The following ANKFN1 variants were observed in gnomAD, a reference collection of about 807,000 sequenced individuals.
ANKFN1 encodes ankyrin repeat and fibronectin type III domain containing 1, also known as ankyrin repeat and fibronectin type-III domain-containing protein 1.
A neutral mutation model predicts 108.7 loss-of-function variants in ANKFN1; 74 were observed. The ratio of observed to expected loss-of-function variants is 0.68; its 90% CI spans 0.56 to 0.83. ANKFN1 has a LOEUF of 0.83. Ranked by LOEUF, ANKFN1 falls within the 40% of genes least tolerant of loss-of-function variation. ANKFN1 has a pLI of 0.00. For synonymous variants in ANKFN1, 547 were observed against 516.2 expected (o/e 1.06, Z -0.81); for missense variants, 1,505 against 1,382.3 (o/e 1.09, Z -1.41).
intron 8 of ANKFN1, among the ~76,000 whole-genome samples, chr17:56,389,650 C>T (rs374690451): frequency 6.6e-6 from 1 of 152,154 alleles, no homozygotes; most frequent in Non-Finnish European, 1.5e-5. Flanking sequence ...TGTAAGTTAG[C>T]TAGAGACAAA....
At chr17:56,117,575 A>G (rs1461676810) in intron 4 of ANKFN1, among the ~76,000 whole-genome samples, 2 of 152,182 alleles carry the variant, frequency 1.3e-5, no homozygotes, top group African/African-American at 4.8e-5. Context: ...GATTTACTTT[A>G]AAGTTAGGCT....
intron 4 of ANKFN1, among the ~76,000 whole-genome samples, chr17:56,073,382 C>T (rs1437071653): frequency 6.6e-6 from 1 of 152,206 alleles, no homozygotes; most frequent in Non-Finnish European, 1.5e-5. Flanking sequence ...ACGTGTCTAC[C>T]ACCTGGGTTC....
intron 8 of ANKFN1, among the ~76,000 whole-genome samples, chr17:56,410,827 G>A (rs1468852154): frequency 6.6e-6 from 1 of 152,174 alleles, no homozygotes; most frequent in African/African-American, 2.4e-5. Context: ...AAAGTCAACT[G>A]ATGGTAAATA....
chr17:56,375,414 G>A (rs923344729), intron 8 of ANKFN1, among the ~76,000 whole-genome samples: 9 of 152,150 alleles, frequency 5.9e-5, no homozygotes, highest in African/African-American at 1.2e-4. Flanking sequence ...GCATAGGGTC[G>A]TGAGAAGGTA....
intron 15 of ANKFN1, chr17:56,472,230 T>C (rs1267854728): frequency 6.6e-6 from 1 of 152,178 alleles, no homozygotes; most frequent in Non-Finnish European, 1.5e-5. Flanking sequence ...TGGTAAAGTC[T>C]TTTTATTTTT....
chr17:56,264,288 TC>T (rs1373426958), intron 3 of ANKFN1, among the ~76,000 whole-genome samples: 7 of 152,184 alleles, frequency 4.6e-5, no homozygotes, highest in African/African-American at 1.7e-4. Context: ...GCAGAAGGAT[TC>T]CATTGATCTC....
chr17:56,359,944 G>A (rs981430481), intron 6 of ANKFN1, among the ~76,000 whole-genome samples: 3 of 152,148 alleles, frequency 2.0e-5, no homozygotes, highest in African/African-American at 7.2e-5. Flanking sequence ...ACTCGTTGCT[G>A]AGAGTCACAC....
At chr17:56,287,221 A>G (rs1459296792) in intron 3 of ANKFN1, among the ~76,000 whole-genome samples, 1 of 152,140 alleles carries the variant, frequency 6.6e-6, no homozygotes, top group Non-Finnish European at 1.5e-5. Flanking sequence ...GAGATGTGGC[A>G]TCGGGTTTCT....
intron 8 of ANKFN1, among the ~76,000 whole-genome samples, chr17:56,414,782 G>A (rs1020282022): frequency 6.6e-6 from 1 of 152,116 alleles, no homozygotes; most frequent in Admixed American, 6.5e-5. Flanking sequence ...CATTTGGAAG[G>A]CCGAGATGGG....
chr17:56,144,317 C>T (rs1268390250), intron 4 of ANKFN1, among the ~76,000 whole-genome samples: 1 of 152,130 alleles, frequency 6.6e-6, no homozygotes, highest in African/African-American at 2.4e-5. Flanking sequence ...GAGTACACCA[C>T]AGGTTGCACT....
chr17:56,303,104 C>G (rs957011086), intron 3 of ANKFN1, among the ~76,000 whole-genome samples: 15 of 152,190 alleles, frequency 9.9e-5, no homozygotes, highest in African/African-American at 3.6e-4. Context: ...GTTGATTTCT[C>G]AGTAAGTTGG....
In ANKFN1 at chr17:56,392,617, C is replaced by A. The variant is rs115420149; in HGVS notation, c.910+17903C>A. Among the ~76,000 whole-genome samples, 458 of 152,282 alleles carry A rather than the reference C, an allele frequency of 3.0e-3. 3 individuals are homozygous for A. The highest frequency in any genetic ancestry group is 0.01 in the African/African-American group (435 of 41,556). ...ACACACCGTGGGCACAGCAAACACACTACAGAAACTCCTAATCTTCTCCAA... is the reference window on the plus strand; with the variant it reads ...ACACACCGTGGGCACAGCAAACACAATACAGAAACTCCTAATCTTCTCCAA... On this transcript the variant is annotated intron_variant, in intron 8 of 20. Coordinates refer to ENST00000682825, the MANE Select transcript of ANKFN1 (RefSeq NM_001370326.1).
At chr17:56,191,909 A>G (rs574489992) in intron 1 of ANKFN1, among the ~76,000 whole-genome samples, 3 of 150,776 alleles carry the variant, frequency 2.0e-5, no homozygotes, top group Admixed American at 2.0e-4. Flanking sequence ...GGCTTTGCTC[A>G]TTTCTTTTTA....
chr17:56,387,208 C>G (rs1233572860), intron 8 of ANKFN1, among the ~76,000 whole-genome samples: 1 of 151,926 alleles, frequency 6.6e-6, no homozygotes, highest in East Asian at 1.9e-4. Flanking sequence ...TTATTGTTTC[C>G]TTACTAGTTT....
At chr17:56,420,833 A>C (rs575445885) in intron 8 of ANKFN1, among the ~76,000 whole-genome samples, 2 of 151,534 alleles carry the variant, frequency 1.3e-5, no homozygotes, top group South Asian at 2.1e-4. Flanking sequence ...TCAGCCTCCC[A>C]AGTAGCTGGG....
At position 56,440,398 on chromosome 17, in the gene ANKFN1, AG is replaced by A; in HGVS notation, c.983del (p.Arg328AsnfsTer22). 6.2e-7 allele frequency: 1 copy of A among 1,612,240 alleles called. No homozygotes were observed. The highest frequency in any genetic ancestry group is 8.5e-7 in the Non-Finnish European group (1 of 1,178,728). On this transcript the variant is annotated frameshift_variant, in exon 9 of 21. Transcript: ENST00000682825. LOFTEE classifies it high-confidence loss of function. ...EIIMDNLQTL[R>X]CTITGLTMGQ... ...CATCATGGATAATCTGCAGACTCTG[AG>A]ATGCACAATCACAGGACTTACAATG...
intron 8 of ANKFN1, among the ~76,000 whole-genome samples, chr17:56,396,543 T>A (rs1450403567): frequency 6.6e-6 from 1 of 151,918 alleles, no homozygotes; most frequent in Admixed American, 6.6e-5. Flanking sequence ...AACTTCTGGT[T>A]TTTTTTTGAC....
chr17:56,486,163 T>C (rs2050849976), intron 18 of ANKFN1, among the ~76,000 whole-genome samples: 3 of 152,224 alleles, frequency 2.0e-5, no homozygotes, highest in Admixed American at 2.0e-4. Context: ...AGCCTGACTT[T>C]AAGATGGTTT....
At chr17:56,153,401 G>A, upstream of ANKFN1, 1 of 1,419,738 alleles carries the variant, frequency 7.0e-7, no homozygotes, top group Non-Finnish European at 9.9e-7. Context: ...AGTCTCCCTG[G>A]ATAAAGCCAG....
Sources: allele counts gnomAD v4.1 joint callset (sites outside exome capture counted in the v4.1 genomes callset), GRCh38; gene constraint gnomAD v4.1.1; transcripts MANE v1.5; gene names NCBI Gene and HGNC (gene_info 2026-07-23, HGNC 2026-07-21).